The following ZFHX3 variants were observed in gnomAD, a reference collection of about 807,000 sequenced individuals.
ZFHX3 encodes zinc finger homeobox protein 3.
Under a neutral mutation model 279.1 loss-of-function variants are expected in ZFHX3, and 42 were observed. That is an observed-to-expected ratio of 0.15 (90% CI 0.12 to 0.19). The LOEUF (loss-of-function observed/expected upper bound fraction) is 0.19, where lower values mean the gene tolerates loss of function less well. Ranked by LOEUF, ZFHX3 falls within the 10% of genes least tolerant of loss-of-function variation. The pLI, the probability that ZFHX3 is intolerant of heterozygous loss-of-function variation, is 1.00. For missense variants in ZFHX3, 4,981 were observed against 4,754.0 expected, an observed-to-expected ratio of 1.05 and a Z score of -1.40; for synonymous variants, 2,293 against 1,957.8, an observed-to-expected ratio of 1.17 and a Z score of -4.52.
intron 5 of ZFHX3, among the ~76,000 whole-genome samples, chr16:73,199,347 A>T (rs754155515): frequency 6.6e-6 from 1 of 152,230 alleles, no homozygotes; most frequent in Non-Finnish European, 1.5e-5. Flanking sequence ...GATAAAATGC[A>T]TGGTTGTCTA....
intron 4 of ZFHX3, among the ~76,000 whole-genome samples, chr16:73,287,414 G>A (rs967827966): frequency 4.8e-5 from 6 of 125,780 alleles, no homozygotes; most frequent in African/African-American, 1.8e-4. Flanking sequence ...GCTGTGTGGG[G>A]TGGTGTGTGG....
chr16:73,512,048 T>C (rs555762869), intron 2 of ZFHX3, among the ~76,000 whole-genome samples: 1 of 151,888 alleles, frequency 6.6e-6, no homozygotes, highest in Non-Finnish European at 1.5e-5. Flanking sequence ...ACGACTCAAG[T>C]GGAGAAATAA....
chr16:73,457,491 G>C (rs1205767049), intron 2 of ZFHX3, among the ~76,000 whole-genome samples: 1 of 152,168 alleles, frequency 6.6e-6, no homozygotes, highest in Non-Finnish European at 1.5e-5. Flanking sequence ...CGAGGGAGTC[G>C]GCCGGGCACG....
rs1264181749 is a variant in ZFHX3, at chr16:72,786,629, T to C, written c.*535A>G. On this transcript the variant is annotated 3_prime_UTR_variant, in exon 10 of 10. Coordinates refer to ENST00000268489, the MANE Select transcript of ZFHX3 (RefSeq NM_006885.4). ...GAAAAAACAATAATATATAAAACAA[T>C]GATTCTGAAAACAAAGTGTGAGCGA... 1.3e-5 allele frequency: 2 copies of C among 148,238 alleles called. No individual in the cohort carries two copies. Among genetic ancestry groups the C allele is most frequent in the Non-Finnish European group, 3.0e-5 (2 of 66,958 alleles). The allele number at this position is 148,238 out of a possible 1,614,324, so 9.2% of individuals were successfully genotyped here.
chr16:73,373,407 G>A (rs2016666832), intron 3 of ZFHX3, among the ~76,000 whole-genome samples: 1 of 152,146 alleles, frequency 6.6e-6, no homozygotes, highest in South Asian at 2.1e-4. Context: ...TCAGGAGATG[G>A]ACCTTTGTGG....
chr16:73,197,562 C>T (rs994871375), intron 5 of ZFHX3, among the ~76,000 whole-genome samples: 13 of 152,188 alleles, frequency 8.5e-5, no homozygotes, highest in Admixed American at 2.0e-4. Context: ...ACCACCTAAA[C>T]CACTTCCCCA....
At chr16:73,342,050 A>G (rs943615632) in intron 3 of ZFHX3, among the ~76,000 whole-genome samples, 1 of 152,212 alleles carries the variant, frequency 6.6e-6, no homozygotes, top group Non-Finnish European at 1.5e-5. Context: ...GCACTGTAAA[A>G]TGGGTGAATT....
chr16:72,968,269 G>A (rs1567611114), intron 1 of ZFHX3, among the ~76,000 whole-genome samples: 1 of 152,116 alleles, frequency 6.6e-6, no homozygotes, highest in Non-Finnish European at 1.5e-5. Context: ...TTTTAGAAAT[G>A]TCAGGGCCAT....
At chr16:73,310,778 G>T (rs766510194) in intron 4 of ZFHX3, among the ~76,000 whole-genome samples, 6 of 151,966 alleles carry the variant, frequency 3.9e-5, no homozygotes, top group Non-Finnish European at 7.4e-5. Flanking sequence ...AAAAATTATT[G>T]ATTATCATAT....
chr16:73,774,953 A>G (rs886133725), intron 1 of ZFHX3, among the ~76,000 whole-genome samples: 14 of 152,096 alleles, frequency 9.2e-5, no homozygotes, highest in African/African-American at 2.7e-4. Context: ...ACGTCTCCCT[A>G]TCTCCAATCC....
At chr16:72,846,346 C>T (rs2037480024) in intron 4 of ZFHX3, among the ~76,000 whole-genome samples, 1 of 152,200 alleles carries the variant, frequency 6.6e-6, no homozygotes. Flanking sequence ...AGACCCAGGG[C>T]ACAGAAGGAG....
At chr16:72,954,992 C>T (rs777398781) in intron 2 of ZFHX3, among the ~76,000 whole-genome samples, 3 of 152,124 alleles carry the variant, frequency 2.0e-5, no homozygotes, top group Non-Finnish European at 2.9e-5. Flanking sequence ...GGAAAAAAAA[C>T]CAGTACAGCC....
intron 5 of ZFHX3, among the ~76,000 whole-genome samples, chr16:73,226,238 C>T (rs1487002977): frequency 6.6e-6 from 1 of 152,088 alleles, no homozygotes; most frequent in Non-Finnish European, 1.5e-5. Flanking sequence ...CCCTTCCTGT[C>T]AAAGAAATGG....
chr16:72,959,498 C>G lies in ZFHX3; in HGVS notation c.648G>C (p.Pro216=), dbSNP rs770546632. The G allele has an allele frequency of 1.4e-5, 22 of 1,614,236 alleles. No homozygotes were observed. The highest frequency in any genetic ancestry group is 1.8e-5 in the Non-Finnish European group (21 of 1,180,040). Residue 216 remains proline, a synonymous_variant, in exon 2 of 10, where the codon CCG becomes CCC. Transcript: ENST00000268489. ...TGAGCCCCGCCAGGGCTGAGGTATT[C>G]GGGAAAGCCTGGTCTGGGCCCTCAA... ...KWFEGPDQAF[P]NTSALAGLSP...
At chr16:73,706,934 G>A (rs982108482) in intron 1 of ZFHX3, among the ~76,000 whole-genome samples, 1 of 151,862 alleles carries the variant, frequency 6.6e-6, no homozygotes, top group African/African-American at 2.4e-5. Flanking sequence ...TCTCCTTTAG[G>A]GCCCTGGCAG....
At position 72,959,334 on chromosome 16, in the gene ZFHX3, C is replaced by T. The variant is rs761754299; in HGVS notation, c.812G>A (p.Gly271Asp). Residue 271 changes from glycine (G) to aspartate (D), a missense_variant, in exon 2 of 10, where the codon GGC (glycine) becomes GAC (aspartate). Physicochemically the swap from Gly to Asp is moderately conservative, Grantham distance 94 (BLOSUM62 -1). Transcript: ENST00000268489. Reference sequence around the variant, plus strand: ...CTTCCTCTTGCCATAGAGCACAAAGCCATCGAATTTGGACAGGTCCACATT... The same window carrying T: ...CTTCCTCTTGCCATAGAGCACAAAGTCATCGAATTTGGACAGGTCCACATT... ...PNNVDLSKFDGFVLYGKRKPI... is the reference protein window; with the variant it reads ...PNNVDLSKFDDFVLYGKRKPI... The T allele has an allele frequency of 8.1e-6, 13 of 1,614,210 alleles. No individual in the cohort carries two copies. The highest frequency in any genetic ancestry group is 9.3e-6 in the Non-Finnish European group (11 of 1,180,038).
At chr16:73,196,176 T>G (rs1597214618) in intron 5 of ZFHX3, among the ~76,000 whole-genome samples, 22 of 131,100 alleles carry the variant, frequency 1.7e-4, no homozygotes, top group South Asian at 5.3e-4. Context: ...GGAGGGGGGA[T>G]GGGTGGGGGT....
At chr16:73,115,593 C>T (rs892239828) in intron 7 of ZFHX3, among the ~76,000 whole-genome samples, 3 of 152,066 alleles carry the variant, frequency 2.0e-5, no homozygotes, top group Non-Finnish European at 4.4e-5. Flanking sequence ...CATCTCCCAC[C>T]TTCTAGCATC....
At chr16:73,597,905 G>T (rs1192874961) in intron 2 of ZFHX3, among the ~76,000 whole-genome samples, 2 of 152,242 alleles carry the variant, frequency 1.3e-5, no homozygotes, top group African/African-American at 4.8e-5. Flanking sequence ...GTGAAGATCA[G>T]TAACTGCTGT....
Sources: gnomAD v4.1 joint callset for allele counts (sites outside exome capture counted in the v4.1 genomes callset) on GRCh38, gnomAD v4.1.1 for gene constraint, MANE v1.5 for transcripts, NCBI Gene and HGNC (gene_info 2026-07-23, HGNC 2026-07-21) for gene names.